The following MYRIP variants were observed in gnomAD, a reference collection of about 807,000 sequenced individuals.
The protein encoded by MYRIP is myosin VIIA and Rab interacting protein, also known as rab effector MyRIP.
Under a neutral mutation model 98.0 loss-of-function variants are expected in MYRIP, and 49 were observed. That is an observed-to-expected ratio of 0.50 (90% CI 0.40 to 0.63). The LOEUF (loss-of-function observed/expected upper bound fraction) is 0.63, where lower values mean the gene tolerates loss of function less well. MYRIP is among the 30% of genes least tolerant of loss of function. The probability of loss-of-function intolerance (pLI) is 0.00; values close to 1 mark genes in which losing one functional copy is unlikely to be tolerated. For missense variants in MYRIP, 1,004 were observed against 1,058.2 expected (o/e 0.95, Z 0.71); for synonymous variants, 404 against 409.5 (o/e 0.99, Z 0.16).
chr3:39,880,855 G>A (rs891490953), intron 1 of MYRIP, among the ~76,000 whole-genome samples: 3 of 152,052 alleles, frequency 2.0e-5, no homozygotes, highest in African/African-American at 7.2e-5. Context: ...GAGACTCAGT[G>A]GGTCCTTTTA....
At chr3:39,832,386 T>A (rs964480858) in intron 1 of MYRIP, among the ~76,000 whole-genome samples, 1 of 152,242 alleles carries the variant, frequency 6.6e-6, no homozygotes. Context: ...GCACAGAGAC[T>A]GAGAGCTTGT....
chr3:40,090,564 G>A (rs1178561124), intron 3 of MYRIP, among the ~76,000 whole-genome samples: 1 of 152,144 alleles, frequency 6.6e-6, no homozygotes, highest in African/African-American at 2.4e-5. Context: ...CAAGTCAGCT[G>A]GAAGCATTAC....
At chr3:40,121,492 A>T (rs1157179603) in intron 3 of MYRIP, among the ~76,000 whole-genome samples, 1 of 151,980 alleles carries the variant, frequency 6.6e-6, no homozygotes, top group Admixed American at 6.6e-5. Context: ...CATCCCAAGA[A>T]CAATCTGGGC....
At chr3:40,028,551 G>A (rs1297063132) in intron 2 of MYRIP, among the ~76,000 whole-genome samples, 3 of 152,146 alleles carry the variant, frequency 2.0e-5, no homozygotes, top group African/African-American at 7.2e-5. Context: ...AAAACCTCTA[G>A]CAACCCTGTG....
At chr3:40,099,802 C>T (rs1244850707) in intron 3 of MYRIP, among the ~76,000 whole-genome samples, 1 of 152,168 alleles carries the variant, frequency 6.6e-6, no homozygotes, top group African/African-American at 2.4e-5. Context: ...TTTGGCTCTT[C>T]CATATCTTGA....
intron 2 of MYRIP, among the ~76,000 whole-genome samples, chr3:40,013,197 G>A (rs890991079): frequency 2.0e-5 from 3 of 152,178 alleles, no homozygotes; most frequent in Non-Finnish European, 4.4e-5. Flanking sequence ...GAGACAAGCA[G>A]GACATGGGGT....
chr3:39,931,370 A>G (rs552071422), intron 2 of MYRIP, among the ~76,000 whole-genome samples: 2 of 151,944 alleles, frequency 1.3e-5, no homozygotes, highest in Middle Eastern at 3.4e-3. Context: ...TGTTTTTTAT[A>G]TTGATCTTTT....
chr3:39,848,595 G>T (rs947555383), intron 1 of MYRIP, among the ~76,000 whole-genome samples: 1 of 152,218 alleles, frequency 6.6e-6, no homozygotes, highest in Non-Finnish European at 1.5e-5. Context: ...ACACATGTAA[G>T]AAAGGAGGCT....
chr3:40,239,176 C>T lies in MYRIP; in HGVS notation c.2100+5123C>T, dbSNP rs1356531957. On this transcript the variant is annotated intron_variant, in intron 12 of 16. Transcript: ENST00000302541. ...TGCAGTGTTTGGTTTTTTGTTCTTG[C>T]CATAGTTTACTGAGAATGATGATTT... Among the ~76,000 whole-genome samples, 8 of 151,224 alleles carry T rather than the reference C, an allele frequency of 5.3e-5. No homozygotes were observed. In the East Asian group the frequency reaches 1.6e-3, roughly 30 times the overall value.
chr3:40,072,748 A>T (rs1055475740), intron 3 of MYRIP, among the ~76,000 whole-genome samples: 2 of 152,136 alleles, frequency 1.3e-5, no homozygotes, highest in Non-Finnish European at 2.9e-5. Flanking sequence ...ACTCTTCTGT[A>T]TTATTTCAAT....
intron 2 of MYRIP, among the ~76,000 whole-genome samples, chr3:39,975,903 A>T (rs1227508977): frequency 6.6e-6 from 1 of 152,220 alleles, no homozygotes; most frequent in Non-Finnish European, 1.5e-5. Context: ...TTAATTCCAG[A>T]TGGATTAAAG....
chr3:39,940,330 C>T (rs1291431389), intron 2 of MYRIP, among the ~76,000 whole-genome samples: 2 of 151,832 alleles, frequency 1.3e-5, no homozygotes, highest in Non-Finnish European at 2.9e-5. Context: ...TTTAGGGCCC[C>T]CTGTAAGGTG....
chr3:40,156,238 A>G (rs1443522489), intron 4 of MYRIP, among the ~76,000 whole-genome samples: 2 of 152,062 alleles, frequency 1.3e-5, no homozygotes, highest in Non-Finnish European at 2.9e-5. Context: ...AGCACCATTT[A>G]TTAAATAGGG....
At chr3:40,125,962 T>C (rs1479851347) in intron 3 of MYRIP, among the ~76,000 whole-genome samples, 1 of 152,192 alleles carries the variant, frequency 6.6e-6, no homozygotes, top group Non-Finnish European at 1.5e-5. Flanking sequence ...ATCCAGATTC[T>C]CAGCCTCTCT....
intron 4 of MYRIP, among the ~76,000 whole-genome samples, chr3:40,157,257 T>C (rs1346025498): frequency 1.4e-5 from 2 of 147,262 alleles, no homozygotes; most frequent in Non-Finnish European, 3.0e-5. Context: ...GATAATCATG[T>C]GGTTTTTGTC....
At chr3:40,257,658 TAAATC>T (rs1452588115) in intron 16 of MYRIP, among the ~76,000 whole-genome samples, 2 of 152,244 alleles carry the variant, frequency 1.3e-5, no homozygotes, top group East Asian at 1.9e-4. Flanking sequence ...CATATAATAA[TAAATC>T]AGAAAGAATA....
chr3:40,058,761 A>G (rs1947937116), intron 3 of MYRIP, among the ~76,000 whole-genome samples: 2 of 152,048 alleles, frequency 1.3e-5, no homozygotes, highest in Admixed American at 1.3e-4. Context: ...CATACTTTCA[A>G]TATGTCTATA....
At chr3:40,087,347 G>T (rs1948650858) in intron 3 of MYRIP, among the ~76,000 whole-genome samples, 1 of 152,166 alleles carries the variant, frequency 6.6e-6, no homozygotes, top group South Asian at 2.1e-4. Flanking sequence ...CTGGCCAGGA[G>T]TAAGCACTGA....
At chr3:39,859,529 C>A (rs1029561501) in intron 1 of MYRIP, among the ~76,000 whole-genome samples, 2 of 152,132 alleles carry the variant, frequency 1.3e-5, no homozygotes, top group Non-Finnish European at 2.9e-5. Context: ...TTTTATGAGG[C>A]TAACATTACA....
Sources: allele counts gnomAD v4.1 joint callset (sites outside exome capture counted in the v4.1 genomes callset), GRCh38; gene constraint gnomAD v4.1.1; transcripts MANE v1.5; gene names NCBI Gene and HGNC (gene_info 2026-07-23, HGNC 2026-07-21).